Variants in TOX3 observed in about 807,000 individuals in gnomAD.
TOX3 encodes the protein TOX high mobility group box family member 3, also known as CAG trinucleotide repeat-containing gene F9 protein.
Under a neutral mutation model 64.3 loss-of-function variants are expected in TOX3, and 22 were observed. The observed-to-expected ratio is 0.34, with a 90% CI of 0.24 to 0.49. The LOEUF is 0.49. TOX3 is among the 20% of genes least tolerant of loss of function. TOX3 has a pLI of 0.99. For synonymous variants in TOX3, 291 were observed against 273.6 expected, an observed-to-expected ratio of 1.06 and a Z score of -0.63; for missense variants, 661 against 714.4, an observed-to-expected ratio of 0.93 and a Z score of 0.85.
In TOX3 at chr16:52,477,681, A is replaced by G. The variant is rs150635486; in HGVS notation, c.88-9107T>C. Among the ~76,000 whole-genome samples the G allele has an allele frequency of 3.9e-3, 590 of 152,236 alleles. 6 individuals carry two copies. Among genetic ancestry groups the G allele is most frequent in the African/African-American group, 0.014 (573 of 41,548 alleles). On this transcript the variant is annotated intron_variant, in intron 1 of 6. Transcript: ENST00000219746. Reference sequence around the variant, plus strand: ...AACTACTTGCTAGGGGTCATTGTGTACAAGCTTGCTAGGGGTCATTGTGTA... The same window carrying G: ...AACTACTTGCTAGGGGTCATTGTGTGCAAGCTTGCTAGGGGTCATTGTGTA...
chr16:52,495,367 T>C (rs1269026876), intron 1 of TOX3, among the ~76,000 whole-genome samples: 1 of 152,158 alleles, frequency 6.6e-6, no homozygotes, highest in Admixed American at 6.5e-5. Flanking sequence ...GATTATCAAA[T>C]AATTTGCTAG....
chr16:52,457,735 T>C (rs1015982175), intron 3 of TOX3, among the ~76,000 whole-genome samples: 12 of 152,214 alleles, frequency 7.9e-5, no homozygotes, highest in African/African-American at 2.9e-4. Flanking sequence ...CTACTACTTT[T>C]GTAACTCCAA....
intron 1 of TOX3, among the ~76,000 whole-genome samples, chr16:52,496,946 C>A (rs1961865116): frequency 6.6e-6 from 1 of 150,736 alleles, no homozygotes; most frequent in African/African-American, 2.4e-5. Flanking sequence ...AAAACAAAAA[C>A]AAAACCCCTG....
intron 6 of TOX3, among the ~76,000 whole-genome samples, chr16:52,442,521 C>G (rs570143462): frequency 4.6e-5 from 7 of 152,182 alleles, no homozygotes; most frequent in Admixed American, 2.6e-4. Context: ...TCCTCACTAT[C>G]GTGGAGGCAA....
At chr16:52,506,522 G>T (rs1193926729) in intron 1 of TOX3, among the ~76,000 whole-genome samples, 1 of 152,032 alleles carries the variant, frequency 6.6e-6, no homozygotes, top group East Asian at 1.9e-4. Context: ...GAACCTCCTG[G>T]ATTCTTGGCC....
intron 1 of TOX3, among the ~76,000 whole-genome samples, chr16:52,493,884 T>G (rs1437522234): frequency 6.6e-6 from 1 of 152,204 alleles, no homozygotes; most frequent in African/African-American, 2.4e-5. Flanking sequence ...TGTCAATACT[T>G]CAGATGCTTT....
intron 5 of TOX3, 76 bp downstream of exon 5, chr16:52,445,918 A>T (rs1960148054): frequency 7.3e-7 from 1 of 1,361,598 alleles, no homozygotes; most frequent in Non-Finnish European, 1.0e-6. Flanking sequence ...GAACACATGC[A>T]CTTGGAAAAG....
At chr16:52,509,760 T>A (rs1269014485) in intron 1 of TOX3, among the ~76,000 whole-genome samples, 3 of 152,322 alleles carry the variant, frequency 2.0e-5, no homozygotes, top group Admixed American at 6.5e-5. Context: ...TATAAACACA[T>A]TCATTGCTAG....
intron 1 of TOX3, among the ~76,000 whole-genome samples, chr16:52,482,774 T>G (rs1567328174): frequency 6.6e-6 from 1 of 152,152 alleles, no homozygotes; most frequent in African/African-American, 2.4e-5. Context: ...CTCCATTTAT[T>G]CCTAACAAAA....
intron 1 of TOX3, among the ~76,000 whole-genome samples, chr16:52,500,273 G>A (rs1961967190): frequency 6.6e-6 from 1 of 152,146 alleles, no homozygotes. Context: ...TATGATTGGA[G>A]CAAAAACCAA....
chr16:52,535,921 C>T (rs1962935771), intron 1 of TOX3, among the ~76,000 whole-genome samples: 1 of 152,234 alleles, frequency 6.6e-6, no homozygotes, highest in African/African-American at 2.4e-5. Flanking sequence ...CAACTGTAGT[C>T]CAACTCCTTG....
At chr16:52,529,072 T>TA (rs1405537640) in intron 1 of TOX3, among the ~76,000 whole-genome samples, 1 of 152,212 alleles carries the variant, frequency 6.6e-6, no homozygotes, top group Non-Finnish European at 1.5e-5. Flanking sequence ...AGTCTTCGGG[T>TA]AAAATCTAGA....
At chr16:52,502,624 G>A (rs1404924007) in intron 1 of TOX3, among the ~76,000 whole-genome samples, 1 of 152,176 alleles carries the variant, frequency 6.6e-6, no homozygotes, top group African/African-American at 2.4e-5. Context: ...AAGAATGCCA[G>A]AAAGTTCTCT....
chr16:52,481,873 T>C (rs758380021), intron 1 of TOX3, among the ~76,000 whole-genome samples: 6 of 152,188 alleles, frequency 3.9e-5, no homozygotes, highest in African/African-American at 7.2e-5. Context: ...ACCAGTTGTG[T>C]TTATCTAAAA....
intron 3 of TOX3, among the ~76,000 whole-genome samples, chr16:52,453,990 G>C (rs79110459): frequency 2.6e-5 from 4 of 152,136 alleles, no homozygotes. Flanking sequence ...ATTGCTTTCT[G>C]CATTAGATAC....
In TOX3 at chr16:52,436,649, T is replaced by A. The variant is rs1174147661; in HGVS notation, c.*2576A>T. 3 of 152,332 alleles carry A rather than the reference T, an allele frequency of 2.0e-5. No individual in the cohort carries two copies. Among genetic ancestry groups the A allele is most frequent in the African/African-American group, 7.2e-5 (3 of 41,470 alleles). The allele number at this position is 152,332 out of a possible 1,614,324, so 9.4% of individuals were successfully genotyped here. A position where few individuals can be genotyped will look rare whatever the true frequency, so the allele number is the denominator to read the frequency against. ...ATATGTAGTTTTGCCTGGTGATTAA[T>A]TTTATAAACTGTAGTCATTAAACTT... On this transcript the variant is annotated 3_prime_UTR_variant, in exon 7 of 7. Coordinates refer to ENST00000219746, the MANE Select transcript of TOX3 (RefSeq NM_001080430.4).
intron 1 of TOX3, among the ~76,000 whole-genome samples, chr16:52,474,543 G>T (rs1452677278): frequency 2.0e-5 from 3 of 152,000 alleles, no homozygotes; most frequent in Non-Finnish European, 4.4e-5. Flanking sequence ...CTTGAGCCCA[G>T]GAGTTTGAGG....
intron 1 of TOX3, among the ~76,000 whole-genome samples, chr16:52,542,174 G>A (rs968043522): frequency 6.6e-6 from 1 of 152,150 alleles, no homozygotes; most frequent in Non-Finnish European, 1.5e-5. Flanking sequence ...GTACCAACCT[G>A]AAGCCAACCA....
chr16:52,533,877 A>G (rs540661128), intron 1 of TOX3, among the ~76,000 whole-genome samples: 68 of 152,312 alleles, frequency 4.5e-4, no homozygotes, highest in South Asian at 2.7e-3. Flanking sequence ...AACAAAGAAT[A>G]TTCAACAGGC....
Sources: gnomAD v4.1 joint callset for allele counts (sites outside exome capture counted in the v4.1 genomes callset) on GRCh38, gnomAD v4.1.1 for gene constraint, MANE v1.5 for transcripts, NCBI Gene and HGNC (gene_info 2026-07-23, HGNC 2026-07-21) for gene names.